CCDC102B: variants seen among roughly 807,000 people sequenced by gnomAD.
CCDC102B encodes the protein coiled-coil domain-containing protein 102B.
In CCDC102B, 75 loss-of-function variants were observed where a neutral mutation model predicts 57.4. The observed-to-expected ratio is 1.31, with a 90% CI of 1.08 to 1.58. The LOEUF is 1.58. Ranked by LOEUF, CCDC102B falls within the 40% of genes most tolerant of loss-of-function variation. CCDC102B has a pLI of 0.00. For missense variants in CCDC102B, 636 were observed against 582.6 expected, an observed-to-expected ratio of 1.09 and a Z score of -0.94; for synonymous variants, 206 against 201.9, an observed-to-expected ratio of 1.02 and a Z score of -0.17.
At chr18:68,999,492 G>C (rs1038527363) in intron 6 of CCDC102B, among the ~76,000 whole-genome samples, 3 of 151,364 alleles carry the variant, frequency 2.0e-5, no homozygotes, top group African/African-American at 4.9e-5. Flanking sequence ...TGTAATGCCA[G>C]CTACTCGAGA....
Position 68,987,847 on chromosome 18 carries a change from A to T in CCDC102B, c.1264-23087A>T, listed in dbSNP as rs553992769. Reference sequence around the variant, plus strand: ...AAATGCAAATCAAAACCATGATGAGACACCATCAAACCAGTCAGAATGGCT... The same window carrying T: ...AAATGCAAATCAAAACCATGATGAGTCACCATCAAACCAGTCAGAATGGCT... On this transcript the variant is annotated intron_variant, in intron 6 of 7. Coordinates refer to ENST00000360242, the MANE Select transcript of CCDC102B (RefSeq NM_024781.3). 5.9e-5 allele frequency among the ~76,000 whole-genome samples: 9 copies of T among 152,306 alleles called. No individual in the cohort carries two copies. The East Asian group carries it at 1.4e-3, about 23-fold the overall frequency.
At chr18:68,803,922 C>A (rs960572888) in intron 1 of CCDC102B, among the ~76,000 whole-genome samples, 12 of 152,074 alleles carry the variant, frequency 7.9e-5, no homozygotes, top group Admixed American at 7.9e-4. Context: ...GATGGGAAGT[C>A]ATTTGAATGT....
intron 2 of CCDC102B, among the ~76,000 whole-genome samples, chr18:68,761,736 C>T (rs2034260111): frequency 6.6e-6 from 1 of 151,950 alleles, no homozygotes; most frequent in African/African-American, 2.4e-5. Flanking sequence ...AAAAGTTTAA[C>T]CCTTATAGCT....
intron 2 of CCDC102B, among the ~76,000 whole-genome samples, chr18:68,771,070 A>T (rs920817325): frequency 2.6e-5 from 4 of 152,250 alleles, no homozygotes; most frequent in African/African-American, 4.8e-5. Context: ...AACTGAGAAG[A>T]TAGATTTGGG....
upstream of CCDC102B, among the ~76,000 whole-genome samples, chr18:68,794,533 C>A (rs986614757): frequency 5.3e-5 from 8 of 151,918 alleles, no homozygotes; most frequent in Admixed American, 3.9e-4. Flanking sequence ...TATCAGAACC[C>A]ACAGGGTGGA....
chr18:68,792,564 T>C (rs1385880818), intron 2 of CCDC102B, among the ~76,000 whole-genome samples: 1 of 152,234 alleles, frequency 6.6e-6, no homozygotes, highest in African/African-American at 2.4e-5. Context: ...CCTTAATCCA[T>C]CCCTTTAATT....
intron 7 of CCDC102B, among the ~76,000 whole-genome samples, chr18:69,027,230 G>C (rs1259992988): frequency 1.3e-5 from 2 of 152,098 alleles, no homozygotes; most frequent in African/African-American, 4.8e-5. Flanking sequence ...TGAACTATTG[G>C]ATCCTTTACT....
intron 2 of CCDC102B, among the ~76,000 whole-genome samples, chr18:68,758,781 A>T (rs1258694754): frequency 6.6e-6 from 1 of 151,812 alleles, no homozygotes; most frequent in Non-Finnish European, 1.5e-5. Flanking sequence ...TGCATTAACG[A>T]GGCAGAGGGG....
intron 1 of CCDC102B, among the ~76,000 whole-genome samples, chr18:68,804,306 T>C (rs780713725): frequency 2.0e-5 from 3 of 147,242 alleles, no homozygotes; most frequent in Non-Finnish European, 4.5e-5. Context: ...CAAGTGTTTG[T>C]TTTTGAACAT....
At chr18:69,021,428 G>A (rs1213401461) in intron 7 of CCDC102B, among the ~76,000 whole-genome samples, 1 of 152,140 alleles carries the variant, frequency 6.6e-6, no homozygotes, top group Non-Finnish European at 1.5e-5. Context: ...AGTTTCTAAT[G>A]AGATCATCAC....
chr18:68,778,656 A>G (rs751051550), intron 2 of CCDC102B, among the ~76,000 whole-genome samples: 8 of 152,106 alleles, frequency 5.3e-5, no homozygotes, highest in Non-Finnish European at 1.0e-4. Flanking sequence ...TCCCGCATGC[A>G]TAACTGATTG....
intron 3 of CCDC102B, among the ~76,000 whole-genome samples, chr18:68,842,547 T>C (rs2037681264): frequency 6.6e-6 from 1 of 152,098 alleles, no homozygotes; most frequent in Non-Finnish European, 1.5e-5. Flanking sequence ...GCATCAGAGG[T>C]GGCCACCTAG....
chr18:69,049,893 T>C (rs1334676687), intron 7 of CCDC102B, among the ~76,000 whole-genome samples: 1 of 151,870 alleles, frequency 6.6e-6, no homozygotes, highest in African/African-American at 2.4e-5. Flanking sequence ...CACTGCAACC[T>C]CCACCTCCCT....
At chr18:68,913,288 T>A (rs1231442765) in intron 6 of CCDC102B, among the ~76,000 whole-genome samples, 1 of 144,408 alleles carries the variant, frequency 6.9e-6, no homozygotes, top group Non-Finnish European at 1.5e-5. Flanking sequence ...TTTTATTTAA[T>A]TTTCCATTGG....
intron 4 of CCDC102B, among the ~76,000 whole-genome samples, chr18:68,873,687 A>G (rs988628373): frequency 5.3e-5 from 8 of 152,102 alleles, no homozygotes; most frequent in African/African-American, 1.9e-4. Flanking sequence ...CATGCTTAAT[A>G]TTACTATTAC....
At chr18:68,828,519 TA>T (rs1194191855) in intron 1 of CCDC102B, among the ~76,000 whole-genome samples, 1 of 150,520 alleles carries the variant, frequency 6.6e-6, no homozygotes, top group Non-Finnish European at 1.5e-5. Context: ...GCTAAGAAAA[TA>T]AAAAAATACA....
chr18:68,902,415 A>G (rs1354067216), intron 6 of CCDC102B, among the ~76,000 whole-genome samples: 1 of 152,234 alleles, frequency 6.6e-6, no homozygotes, highest in African/African-American at 2.4e-5. Flanking sequence ...ATCAAAAAGC[A>G]GCATGGATTC....
intron 5 of CCDC102B, among the ~76,000 whole-genome samples, chr18:68,880,048 C>T (rs1003850315): frequency 9.2e-5 from 14 of 152,054 alleles, no homozygotes; most frequent in Middle Eastern, 3.2e-3. Context: ...GAGCAGGGGG[C>T]GGTGCTCATC....
At chr18:68,857,276 T>TTTTATATATA (rs2038489347) in intron 4 of CCDC102B, among the ~76,000 whole-genome samples, 1 of 27,908 alleles carries the variant, frequency 3.6e-5, no homozygotes, top group Non-Finnish European at 7.4e-5. Context: ...AATATATATA[T>TTTTATATATA]AATATATATT....
Sources: allele counts gnomAD v4.1 joint callset (sites outside exome capture counted in the v4.1 genomes callset), GRCh38; gene constraint gnomAD v4.1.1; transcripts MANE v1.5; gene names NCBI Gene and HGNC (gene_info 2026-07-23, HGNC 2026-07-21).